Variants in USP26 observed in about 807,000 individuals in gnomAD.
USP26 encodes ubiquitin specific peptidase 26, also known as ubiquitin carboxyl-terminal hydrolase 26.
For synonymous variants in USP26, 236 were observed against 240.6 expected, an observed-to-expected ratio of 0.98 and a Z score of 0.18; for missense variants, 649 against 642.3, an observed-to-expected ratio of 1.01 and a Z score of -0.11.
chrX:133,090,906 A>G (rs2067605007), intron 2 of USP26, 143 bp from the exon 3 acceptor site: 1 of 112,518 alleles, frequency 8.9e-6, no homozygotes, highest in African/African-American at 3.2e-5. Context: ...AGGAAACACA[A>G]GGCTTAGGGA....
intron 5 of USP26, among the ~76,000 whole-genome samples, chrX:133,032,617 C>T (rs1249089695): frequency 1.8e-5 from 2 of 112,024 alleles, no homozygotes; most frequent in Admixed American, 1.9e-4. Context: ...GTTTAGCTGT[C>T]TAGTTGCCAT....
chrX:133,026,987 C>A lies in USP26; in HGVS notation c.1234G>T (p.Gly412Trp), dbSNP rs1398786785. The A allele has an allele frequency of 2.5e-6, 3 of 1,209,423 alleles. No homozygotes were observed. The highest frequency in any genetic ancestry group is 3.4e-6 in the Non-Finnish European group (3 of 894,968). Residue 412 changes from glycine to tryptophan, a missense_variant, in exon 6 of 6, where the codon GGG (glycine) becomes TGG (tryptophan). By Grantham distance (184) the Gly-to-Trp change is radical. Transcript: ENST00000511190. ...ACCTGTTTAGGAAAATTATCTTCCCCAAATTCACTTTTAGGCTTCCAAATT... is the reference window on the plus strand; with the variant it reads ...ACCTGTTTAGGAAAATTATCTTCCCAAAATTCACTTTTAGGCTTCCAAATT... The part of the protein sequence containing the change: ...NTIWKPKSEF[G>W]EDNFPKQVFA...
intron 5 of USP26, among the ~76,000 whole-genome samples, chrX:133,052,645 A>G (rs112668471): frequency 0.034 from 3,813 of 111,982 alleles, 97 homozygotes; most frequent in East Asian, 0.098. Context: ...GTTTAACAAA[A>G]AGTCCCAGGA....
chrX:133,042,430 T>G (rs754464250), intron 5 of USP26, among the ~76,000 whole-genome samples: 117 of 111,310 alleles, frequency 1.1e-3, no homozygotes, highest in Middle Eastern at 4.7e-3. Context: ...CCTCCCGCCT[T>G]CCCTTGGCTG....
chrX:133,050,750 TTAAC>T (rs1182017396), intron 5 of USP26, among the ~76,000 whole-genome samples: 1 of 111,508 alleles, frequency 9.0e-6, no homozygotes, highest in African/African-American at 3.3e-5. Context: ...GAACTGTAAA[TTAAC>T]TATGTTCCTT....
chrX:133,027,481 G>C lies in USP26; in HGVS notation c.740C>G (p.Pro247Arg). ...SSCIMNATGN[P>R]YLDDIGLLQA... ...GAGAAGACCAATGTCATCTAGGTAA[G>C]GATTTCCAGTGGCGTTCATGATGCA... Residue 247 changes from proline to arginine, a missense_variant, in exon 6 of 6, where the codon CCT becomes CGT. Transcript: ENST00000511190. 8.3e-7 allele frequency: 1 copy of C among 1,211,015 alleles called. No individual in the cohort carries two copies. The highest frequency in any genetic ancestry group is 3.0e-5 in the East Asian group (1 of 33,843).
chrX:133,065,360 C>A (rs1358927118), intron 5 of USP26, among the ~76,000 whole-genome samples: 1 of 111,733 alleles, frequency 8.9e-6, no homozygotes, highest in Admixed American at 9.5e-5. Flanking sequence ...AAGAGGGACT[C>A]CTCCCTAACT....
intron 5 of USP26, among the ~76,000 whole-genome samples, chrX:133,072,008 C>A (rs1198560553): frequency 9.0e-6 from 1 of 111,337 alleles, no homozygotes; most frequent in Admixed American, 9.6e-5. Flanking sequence ...ATCTTATTAC[C>A]CAATAAAGAA....
intron 5 of USP26, among the ~76,000 whole-genome samples, chrX:133,044,210 T>C (rs1017680620): frequency 1.8e-5 from 2 of 113,303 alleles, no homozygotes; most frequent in Non-Finnish European, 3.7e-5. Context: ...GGTGACAGCA[T>C]GCTGGCAGCC....
chrX:133,037,568 G>A (rs947466568), intron 5 of USP26, among the ~76,000 whole-genome samples: 1 of 111,983 alleles, frequency 8.9e-6, no homozygotes, highest in African/African-American at 3.2e-5. Context: ...TGCTGTTTTG[G>A]TTACTGTAGC....
chrX:133,090,412 T>C (rs2067603175), intron 3 of USP26, among the ~76,000 whole-genome samples, 186 bp from the exon 4 acceptor site: 1 of 112,396 alleles, frequency 8.9e-6, no homozygotes. Context: ...TACTGTTAAA[T>C]GGCTACAGGG....
In USP26 at chrX:133,025,557, G is replaced by A; in HGVS notation, c.2664C>T (p.Ile888=). The A allele has an allele frequency of 8.3e-7, 1 of 1,211,039 alleles. No individual in the cohort carries two copies. The highest frequency in any genetic ancestry group is 1.1e-6 in the Non-Finnish European group (1 of 895,367). Residue 888 remains isoleucine (I), a synonymous_variant, in exon 6 of 6, where the codon ATC becomes ATT. Transcript: ENST00000511190. ...GYIFFYMHNE[I]FEEMLKREEN... Reference sequence around the variant, plus strand: ...CTTCTCTTTTCAACATCTCTTCAAAGATCTCATTATGCATGTAAAAGAAGA... The same window carrying A: ...CTTCTCTTTTCAACATCTCTTCAAAAATCTCATTATGCATGTAAAAGAAGA...
At chrX:133,032,850 G>A (rs1312397239) in intron 5 of USP26, among the ~76,000 whole-genome samples, 1 of 111,570 alleles carries the variant, frequency 9.0e-6, no homozygotes, top group Non-Finnish European at 1.9e-5. Context: ...AGGGGAGTAG[G>A]TGTCCAGCTC....
At position 133,023,606 on chromosome X, in the gene USP26, T is replaced by C. The variant is rs1401937204; in HGVS notation, c.*1873A>G. Among the ~76,000 whole-genome samples, 1 of 111,754 alleles carries C rather than the reference T, an allele frequency of 8.9e-6. No homozygotes were observed. On this transcript the variant is annotated 3_prime_UTR_variant, in exon 6 of 6. Transcript: ENST00000511190. The stretch of plus-strand genomic sequence containing the variant: ...ACTACAGAAGTTGAACAATCACTCA[T>C]TGTGTCTGTAACACCTTCTTCCCTA...
At chrX:133,054,719 TA>T (rs2067470042) in intron 5 of USP26, among the ~76,000 whole-genome samples, 1 of 111,692 alleles carries the variant, frequency 9.0e-6, no homozygotes, top group South Asian at 3.8e-4. Context: ...TCCACTTGGA[TA>T]AATTATTTGG....
chrX:133,095,431 A>C (rs2067625992), intron 1 of USP26, among the ~76,000 whole-genome samples: 1 of 112,101 alleles, frequency 8.9e-6, no homozygotes, highest in African/African-American at 3.2e-5. Flanking sequence ...CAAAACTTTT[A>C]TTTTATAAGG....
intron 5 of USP26, among the ~76,000 whole-genome samples, chrX:133,072,182 T>C (rs1175728157): frequency 8.9e-6 from 1 of 112,071 alleles, no homozygotes; most frequent in East Asian, 2.8e-4. Flanking sequence ...AACAAATTGA[T>C]CTGTGATCAA....
At chrX:133,056,296 T>C (rs1214876328) in intron 5 of USP26, among the ~76,000 whole-genome samples, 1 of 111,907 alleles carries the variant, frequency 8.9e-6, no homozygotes, top group Admixed American at 9.5e-5. Context: ...AACTCTTCTC[T>C]CTCACAATCC....
chrX:133,064,756 A>C (rs1230873449), intron 5 of USP26, among the ~76,000 whole-genome samples: 3 of 112,083 alleles, frequency 2.7e-5, no homozygotes, highest in Admixed American at 9.5e-5. Flanking sequence ...ATAGCACTAA[A>C]TACCCACAGC....
Sources: allele counts gnomAD v4.1 joint callset (sites outside exome capture counted in the v4.1 genomes callset), GRCh38; gene constraint gnomAD v4.1.1; transcripts MANE v1.5; gene names NCBI Gene and HGNC (gene_info 2026-07-23, HGNC 2026-07-21).